Variants in ATM observed in about 807,000 individuals in gnomAD.
ATM encodes the protein ATM serine/threonine kinase.
Under a neutral mutation model 387.0 loss-of-function variants are expected in ATM, and 308 were observed. The ratio of observed to expected loss-of-function variants is 0.80; its 90% confidence interval spans 0.73 to 0.87. ATM has a LOEUF of 0.87. ATM is among the 40% of genes least tolerant of loss of function. The pLI, the probability that ATM is intolerant of heterozygous loss-of-function variation, is 0.00. For synonymous variants in ATM, 1,156 were observed against 1,187.3 expected (o/e 0.97, Z 0.54); for missense variants, 3,312 against 3,560.9 (o/e 0.93, Z 1.78).
chr11:108,293,894 A>ATAT (rs1555101015), intron 31 of ATM, among the ~76,000 whole-genome samples: 75 of 83,640 alleles, frequency 9.0e-4, no homozygotes, highest in East Asian at 4.7e-3. Context: ...AAAAAAAAAA[A>ATAT]ATATATATAT....
intron 49 of ATM, 82 bp from the exon 50 acceptor site, chr11:108,330,132 T>G: frequency 6.8e-7 from 1 of 1,466,870 alleles, no homozygotes; most frequent in Non-Finnish European, 9.4e-7. Context: ...CTTTTTTCAT[T>G]AAATGTTGTA....
At chr11:108,278,234 A>G (rs2082049626) in intron 22 of ATM, among the ~76,000 whole-genome samples, 1 of 152,230 alleles carries the variant, frequency 6.6e-6, no homozygotes, top group Non-Finnish European at 1.5e-5. Context: ...CTAACTCCTC[A>G]GGTTTGGAAC....
intron 13 of ATM, among the ~76,000 whole-genome samples, chr11:108,255,468 C>G (rs2080416574): frequency 7.1e-6 from 1 of 141,438 alleles, no homozygotes. Flanking sequence ...CTCTGTTGCC[C>G]AGGCTGGAGT....
chr11:108,233,260 A>G (rs1287627561), intron 4 of ATM, among the ~76,000 whole-genome samples: 1 of 152,174 alleles, frequency 6.6e-6, no homozygotes, highest in Non-Finnish European at 1.5e-5. Context: ...TAAGTTCCAT[A>G]AGATTCCTGA....
chr11:108,357,686 C>T (rs1203777809), intron 61 of ATM, among the ~76,000 whole-genome samples: 1 of 152,314 alleles, frequency 6.6e-6, no homozygotes, highest in African/African-American at 2.4e-5. Flanking sequence ...CAGGGGCACA[C>T]TGACACCTCA....
rs587781992 is a variant in ATM at position 108,268,607 on chromosome 11, A to G, written c.2836A>G (p.Met946Val). The change falls in exon 18 of 63, where the codon ATG becomes GTG. Residue 946 changes from methionine (M) to valine (V), a missense_variant and splice_region_variant. Transcript: ENST00000675843. ...LEPTKSLHLH[M>V]YLMLLKELPG... Reference sequence around the variant, plus strand: ...ACCTACCAAATCCCTCCACCTGCATATGGTGAGTTACGTTAAATGAAGAAG... The same window carrying G: ...ACCTACCAAATCCCTCCACCTGCATGTGGTGAGTTACGTTAAATGAAGAAG... The G allele has an allele frequency of 3.3e-5, 54 of 1,613,478 alleles. No homozygotes were observed. Among genetic ancestry groups the G allele is most frequent in the Middle Eastern group, 3.3e-4 (2 of 6,082 alleles).
At position 108,304,857 on chromosome 11, in the gene ATM, T is replaced by A. The variant is rs2135946739; in HGVS notation, c.5674+5T>A. 1 of 1,613,612 alleles carries A rather than the reference T, an allele frequency of 6.2e-7. No individual in the cohort carries two copies. The highest frequency in any genetic ancestry group is 1.6e-4 in the Middle Eastern group (1 of 6,062). ...CCCCTGCAAACTTGGATTCAGGTATTCTATTAAATTTTTAACATTAATACT... is the reference window on the plus strand; with the variant it reads ...CCCCTGCAAACTTGGATTCAGGTATACTATTAAATTTTTAACATTAATACT... On this transcript the variant is annotated splice_donor_5th_base_variant and intron_variant, in intron 37 of 62. Transcript: ENST00000675843.
intron 27 of ATM, among the ~76,000 whole-genome samples, chr11:108,288,526 C>T (rs1221130284): frequency 1.4e-5 from 2 of 139,840 alleles, no homozygotes; most frequent in African/African-American, 2.7e-5. Context: ...TTTTAATGTG[C>T]CCTACTGTGC....
chr11:108,225,350 A>C (rs2078686165), intron 1 of ATM: 1 of 152,274 alleles, frequency 6.6e-6, no homozygotes, highest in African/African-American at 2.4e-5. Flanking sequence ...TCTATAGCAG[A>C]GTAAAGCGGA....
chr11:108,305,606 G>A (rs1018716380), intron 37 of ATM, among the ~76,000 whole-genome samples: 1 of 151,888 alleles, frequency 6.6e-6, no homozygotes, highest in African/African-American at 2.4e-5. Context: ...AAAACCCTTT[G>A]TATAACTATA....
At chr11:108,269,005 A>G (rs1444269447) in intron 18 of ATM, among the ~76,000 whole-genome samples, 3 of 152,342 alleles carry the variant, frequency 2.0e-5, no homozygotes, top group Non-Finnish European at 4.4e-5. Context: ...AGTTACAAGA[A>G]TACTACAGTT....
In ATM at chr11:108,343,233, C is replaced by G. The variant is rs780325546; in HGVS notation, c.8280C>G (p.Leu2760=). The G allele has an allele frequency of 6.2e-7, 1 of 1,613,994 alleles. No homozygotes were observed. The stretch of plus-strand genomic sequence containing the variant: ...ATCTGTAACTCCAGGTGGTTCCCCT[C>G]TCTCAGCGAAGTGGTGTTCTTGAAT... ...LTICTYKVVP[L]SQRSGVLEWC... is the part of the protein sequence containing the mutation. Residue 2760 remains leucine (L), a synonymous_variant, in exon 57 of 63, where the codon CTC becomes CTG. Transcript: ENST00000675843.
chr11:108,270,903 C>T (rs906536202), intron 18 of ATM, among the ~76,000 whole-genome samples, 161 bp from the exon 19 acceptor site: 2 of 152,080 alleles, frequency 1.3e-5, no homozygotes, highest in African/African-American at 4.8e-5. Flanking sequence ...ACCATATTGG[C>T]CAGGCTGTTC....
chr11:108,254,235 T>C (rs2080334574), intron 13 of ATM, among the ~76,000 whole-genome samples, 196 bp downstream of exon 13: 1 of 152,190 alleles, frequency 6.6e-6, no homozygotes, highest in African/African-American at 2.4e-5. Context: ...ATTTGAGTAC[T>C]TCCTTTGTAC....
chr11:108,317,479 C>T lies in ATM; in HGVS notation c.6305C>T (p.Ala2102Val), dbSNP rs1591790037. 4.3e-6 allele frequency: 7 copies of T among 1,611,032 alleles called. No individual in the cohort carries two copies. Among genetic ancestry groups the T allele is most frequent in the Non-Finnish European group, 5.9e-6 (7 of 1,179,210 alleles). Reference sequence around the variant, plus strand: ...GAACTAGAAGAACTTCATTACCAAGCAGCATGGAGGAATATGCAGTGGGAC... The same window carrying T: ...GAACTAGAAGAACTTCATTACCAAGTAGCATGGAGGAATATGCAGTGGGAC... ...CPELEELHYQ[A>V]AWRNMQWDHC... Residue 2102 changes from alanine (A) to valine (V), a missense_variant, in exon 43 of 63, where the codon GCA becomes GTA. By Grantham distance (64) the Ala-to-Val change is moderately conservative. Coordinates refer to ENST00000675843, the MANE Select transcript of ATM (RefSeq NM_000051.4).
rs876660034 is a variant in ATM, at chr11:108,271,316, A to C, written c.2987A>C (p.His996Pro). The C allele has an allele frequency of 6.2e-7, 1 of 1,613,242 alleles. No homozygotes were observed. Among genetic ancestry groups the C allele is most frequent in the African/African-American group, 1.3e-5 (1 of 74,706 alleles). The change falls in exon 20 of 63, where the codon CAT (histidine) becomes CCT (proline). Residue 996 changes from histidine (H) to proline (P), a missense_variant. Transcript: ENST00000675843. ...AAAACTATTTTAAACCATGTCCTTC[A>C]TGTAGTGAAAAACCTAGGTCAAAGC... is the stretch of plus-strand genomic sequence containing the variant. Reference protein sequence around the residue: ...VCKTILNHVLHVVKNLGQSNM... With the variant: ...VCKTILNHVLPVVKNLGQSNM...
At position 108,297,360 on chromosome 11, in the gene ATM, C is replaced by G. The variant is rs2083180642; in HGVS notation, c.4983C>G (p.His1661Gln). Residue 1661 changes from histidine to glutamine, a missense_variant, in exon 33 of 63, where the codon CAC becomes CAG. Transcript: ENST00000675843. ...AGTTATCCAAGATGGCAATAAACCA[C>G]ACTGGTGAAAAAGAAGTTCTAGGTA... is the stretch of plus-strand genomic sequence containing the variant. ...LLQLSKMAIN[H>Q]TGEKEVLEAV... The G allele has an allele frequency of 6.2e-7, 1 of 1,613,946 alleles. No homozygotes were observed. Among genetic ancestry groups the G allele is most frequent in the Non-Finnish European group, 8.5e-7 (1 of 1,179,910 alleles).
At chr11:108,361,856 C>T (rs532049528) in intron 61 of ATM, among the ~76,000 whole-genome samples, 24 of 151,736 alleles carry the variant, frequency 1.6e-4, no homozygotes, top group African/African-American at 5.8e-4. Context: ...TAGAAGAAAA[C>T]CTAGGCATTA....
rs547667907 is a variant in ATM, at chr11:108,354,932, T to C, written c.8850+58T>C. ...TTTCTTACCAGGTAGACTGTGTATC[T>C]CATCAGGAAGTCACTGATGTGAAGA... On this transcript the variant is annotated intron_variant, in intron 61 of 62. Transcript: ENST00000675843. 759 of 1,429,594 alleles carry C rather than the reference T, an allele frequency of 5.3e-4. 20 individuals are homozygous for C. The South Asian group carries it at 7.8e-3, about 15-fold the overall frequency. 88.6% of individuals were successfully genotyped at this position (1,429,594 alleles called of 1,614,324 possible).
Sources: gnomAD v4.1 joint callset for allele counts (sites outside exome capture counted in the v4.1 genomes callset) on GRCh38, gnomAD v4.1.1 for gene constraint, MANE v1.5 for transcripts, NCBI Gene and HGNC (gene_info 2026-07-23, HGNC 2026-07-21) for gene names.